SDHC: variants seen among roughly 807,000 people sequenced by gnomAD.
The protein encoded by SDHC is succinate dehydrogenase complex subunit C.
A neutral mutation model predicts 22.6 loss-of-function variants in SDHC; 11 were observed. That is an observed-to-expected ratio of 0.49 (90% CI 0.31 to 0.81). The LOEUF (loss-of-function observed/expected upper bound fraction) is 0.81, where lower values mean the gene tolerates loss of function less well. SDHC is among the 30% of genes least tolerant of loss of function. SDHC has a pLI of 0.05. For synonymous variants in SDHC, 80 were observed against 77.8 expected (o/e 1.03, Z -0.15); for missense variants, 160 against 212.0 (o/e 0.75, Z 1.52).
intron 5 of SDHC, among the ~76,000 whole-genome samples, chr1:161,361,940 A>G (rs1672530785): frequency 6.6e-6 from 1 of 151,106 alleles, no homozygotes; most frequent in Admixed American, 6.6e-5. Context: ...TGGCCCATAC[A>G]ATGGCTTTCA....
Position 161,362,391 on chromosome 1 carries a change from G to A in SDHC, c.468G>A (p.Leu156=), listed in dbSNP as rs1290107675. 5 of 1,613,146 alleles carry A rather than the reference G, an allele frequency of 3.1e-6. No homozygotes were observed. Among genetic ancestry groups the A allele is most frequent in the Non-Finnish European group, 4.2e-6 (5 of 1,179,786 alleles). ...TATACCAGTCTGGAGTGGTTGTCCT[G>A]GTTCTTACTGTGTTGTCCTCTATGG... is the stretch of plus-strand genomic sequence containing the variant. ...PQLYQSGVVV[L]VLTVLSSMGL... The change falls in exon 6 of 6, where the codon CTG becomes CTA. Residue 156 remains leucine, a synonymous_variant. Coordinates refer to ENST00000367975, the MANE Select transcript of SDHC (RefSeq NM_003001.5).
intron 3 of SDHC, chr1:161,339,680 T>TTTG (rs1671646664): frequency 2.5e-6 from 1 of 392,212 alleles, no homozygotes; most frequent in East Asian, 1.4e-4. Context: ...TTTTTTTTTT[T>TTTG]TTTTTTTTTT....
At chr1:161,345,504 T>G (rs1310516471) in intron 4 of SDHC, among the ~76,000 whole-genome samples, 1 of 152,206 alleles carries the variant, frequency 6.6e-6, no homozygotes, top group African/African-American at 2.4e-5. Flanking sequence ...CTGCCCAGGC[T>G]ATAATGTAGT....
At chr1:161,358,321 T>A (rs2102375076) in intron 5 of SDHC, among the ~76,000 whole-genome samples, 1 of 151,022 alleles carries the variant, frequency 6.6e-6, no homozygotes, top group African/African-American at 2.4e-5. Flanking sequence ...TTAGTAGAGA[T>A]GGGGTTTCAC....
At chr1:161,330,996 CAAAAAAAAA>C (rs61295520) in intron 3 of SDHC, among the ~76,000 whole-genome samples, 2 of 102,248 alleles carry the variant, frequency 2.0e-5, no homozygotes, top group East Asian at 2.8e-4. Context: ...GCTCTGTTTC[CAAAAAAAAA>C]AAAAAAAAAA....
At chr1:161,329,894 G>A (rs1671214383) in intron 3 of SDHC, among the ~76,000 whole-genome samples, 1 of 152,080 alleles carries the variant, frequency 6.6e-6, no homozygotes, top group Non-Finnish European at 1.5e-5. Context: ...TTCTCGCTTT[G>A]TATCACTCTG....
chr1:161,346,730 C>T (rs933110978), intron 4 of SDHC, among the ~76,000 whole-genome samples: 5 of 149,220 alleles, frequency 3.4e-5, no homozygotes, highest in African/African-American at 7.6e-5. Flanking sequence ...TATGAGACCC[C>T]AGAGGAGAAA....
chr1:161,334,276 C>T (rs4291521), intron 3 of SDHC, among the ~76,000 whole-genome samples: 18,167 of 152,162 alleles, frequency 0.12, 1,467 homozygotes, highest in African/African-American at 0.22. Flanking sequence ...ACCCTGCTTC[C>T]GTCATCTCAT....
chr1:161,318,789 T>G (rs1457335524), intron 1 of SDHC, among the ~76,000 whole-genome samples: 1 of 151,760 alleles, frequency 6.6e-6, no homozygotes, highest in Non-Finnish European at 1.5e-5. Flanking sequence ...ATGCCAGCAC[T>G]TTGGGAGGCC....
In SDHC at chr1:161,328,647, G is replaced by A. The variant is rs1379902572; in HGVS notation, c.179+150G>A. 7 of 673,188 alleles carry A rather than the reference G, an allele frequency of 1.0e-5. No homozygotes were observed. The Admixed American group carries it at 1.5e-4, about 15-fold the overall frequency. The allele number at this position is 673,188 out of a possible 1,614,324, so 41.7% of individuals were successfully genotyped here. On this transcript the variant is annotated intron_variant, in intron 3 of 5. Transcript: ENST00000367975. Reference sequence around the variant, plus strand: ...TGAACCCTTCAGGGTAGAGGGAGATGACATAAGGATTATCTTACACCTTTT... The same window carrying A: ...TGAACCCTTCAGGGTAGAGGGAGATAACATAAGGATTATCTTACACCTTTT...
intron 4 of SDHC, among the ~76,000 whole-genome samples, chr1:161,354,617 CTTTTTTTT>C (rs201062096): frequency 2.1e-5 from 2 of 93,900 alleles, no homozygotes; most frequent in Admixed American, 1.0e-4. Flanking sequence ...TTCTTTTTTT[CTTTTTTTT>C]TTTTTAATTC....
At chr1:161,349,284 G>A (rs188432095) in intron 4 of SDHC, among the ~76,000 whole-genome samples, 13 of 152,048 alleles carry the variant, frequency 8.5e-5, no homozygotes, top group Admixed American at 3.9e-4. Flanking sequence ...CTAACATGGC[G>A]AAATCCCATC....
At position 161,334,584 on chromosome 1, in the gene SDHC, A is replaced by G. The variant is rs975963592; in HGVS notation, c.180-6010A>G. Among the ~76,000 whole-genome samples the G allele has an allele frequency of 2.6e-5, 4 of 152,214 alleles. No homozygotes were observed. In the South Asian group the frequency reaches 8.3e-4, roughly 32 times the overall value. The stretch of plus-strand genomic sequence containing the variant: ...CTCCCAAGTACCTGGGACTATAGGC[A>G]TGTACCACCATGGCTGACTAATTTT... On this transcript the variant is annotated intron_variant, in intron 3 of 5. Transcript: ENST00000367975.
chr1:161,321,643 G>C (rs1334630533), intron 1 of SDHC, among the ~76,000 whole-genome samples: 1 of 152,202 alleles, frequency 6.6e-6, no homozygotes. Flanking sequence ...TGCCTTCAAA[G>C]CTGGAAAGAG....
At position 161,321,706 on chromosome 1, in the gene SDHC, G is replaced by A. The variant is rs372357710; in HGVS notation, c.21-1908G>A. Among the ~76,000 whole-genome samples the A allele has an allele frequency of 4.6e-5, 7 of 152,274 alleles. No homozygotes were observed. In the South Asian group the frequency reaches 1.4e-3, roughly 32 times the overall value. On this transcript the variant is annotated intron_variant, in intron 1 of 5. Transcript: ENST00000367975. ...TAGATTTTTTTCCTTTAAATAGTGG[G>A]CCCTTCTAGTGTACTAATATGAAGC...
chr1:161,323,425 ATTTC>A (rs1670913926), intron 1 of SDHC, among the ~76,000 whole-genome samples, 185 bp from the exon 2 acceptor site: 1 of 152,030 alleles, frequency 6.6e-6, no homozygotes, highest in Admixed American at 6.5e-5. Context: ...TTTAGGTAAT[ATTTC>A]TTATTATTTT....
At chr1:161,339,384 T>C (rs1671621974) in intron 3 of SDHC, among the ~76,000 whole-genome samples, 1 of 149,858 alleles carries the variant, frequency 6.7e-6, no homozygotes, top group Non-Finnish European at 1.5e-5. Flanking sequence ...TGGGGTCTCA[T>C]TACGTTGCCT....
At chr1:161,341,114 A>G (rs983177840) in intron 4 of SDHC, among the ~76,000 whole-genome samples, 3 of 152,222 alleles carry the variant, frequency 2.0e-5, no homozygotes, top group Admixed American at 6.5e-5. Flanking sequence ...TGCTGGGATT[A>G]CAGACATGAG....
intron 2 of SDHC, chr1:161,326,713 C>T (rs996814783): frequency 3.3e-5 from 5 of 151,158 alleles, no homozygotes; most frequent in African/African-American, 7.3e-5. Context: ...GCAACCTCCA[C>T]GTCCTGAGTT....
Sources: allele counts gnomAD v4.1 joint callset (sites outside exome capture counted in the v4.1 genomes callset), GRCh38; gene constraint gnomAD v4.1.1; transcripts MANE v1.5; gene names NCBI Gene and HGNC (gene_info 2026-07-23, HGNC 2026-07-21).